The following SLC44A1 variants were observed in gnomAD, a reference collection of about 807,000 sequenced individuals.
The protein encoded by SLC44A1 is solute carrier family 44 member 1.
A neutral mutation model predicts 79.3 loss-of-function variants in SLC44A1; 26 were observed. That is an observed-to-expected ratio of 0.33 (90% CI 0.24 to 0.46). SLC44A1 has a LOEUF of 0.46. SLC44A1 is among the 20% of genes least tolerant of loss of function. The pLI is 1.00. For synonymous variants in SLC44A1, 263 were observed against 286.2 expected, an observed-to-expected ratio of 0.92 and a Z score of 0.82; for missense variants, 688 against 798.1, an observed-to-expected ratio of 0.86 and a Z score of 1.66.
At chr9:105,302,511 C>G (rs1459463679) in intron 2 of SLC44A1, among the ~76,000 whole-genome samples, 2 of 151,922 alleles carry the variant, frequency 1.3e-5, no homozygotes, top group African/African-American at 4.8e-5. Flanking sequence ...CAGCACCACT[C>G]TTGGTTAATT....
At chr9:105,354,200 G>A (rs1297835658) in intron 5 of SLC44A1, among the ~76,000 whole-genome samples, 1 of 150,030 alleles carries the variant, frequency 6.7e-6, no homozygotes, top group Non-Finnish European at 1.5e-5. Context: ...ACAGGCGCCC[G>A]CTACCACGCC....
chr9:105,379,587 A>C (rs1166060289), intron 13 of SLC44A1, among the ~76,000 whole-genome samples: 1 of 152,206 alleles, frequency 6.6e-6, no homozygotes, highest in Non-Finnish European at 1.5e-5. Flanking sequence ...CTGTGAATTT[A>C]AAAATAAAAA....
intron 3 of SLC44A1, among the ~76,000 whole-genome samples, chr9:105,334,364 T>C (rs1826845720): frequency 6.6e-6 from 1 of 152,076 alleles, no homozygotes; most frequent in South Asian, 2.1e-4. Context: ...CCCCCTTTTT[T>C]TTCCTACTTA....
chr9:105,357,074 A>G (rs1367291701), intron 6 of SLC44A1: 1 of 152,212 alleles, frequency 6.6e-6, no homozygotes, highest in African/African-American at 2.4e-5. Flanking sequence ...ATGCCTGTTA[A>G]CAATTATAGC....
rs546578041 is a variant in SLC44A1 at position 105,279,730 on chromosome 9, A to G, written c.37-19490A>G. On this transcript the variant is annotated intron_variant, in intron 1 of 15. Transcript: ENST00000374720. ...TACATCAGGAATATATAAACCTTCT[A>G]TCACCATTAACATTGTTCTAGAAGT... Among the ~76,000 whole-genome samples, 6 of 152,322 alleles carry G rather than the reference A, an allele frequency of 3.9e-5. No individual in the cohort carries two copies. The East Asian group carries it at 7.7e-4, about 20-fold the overall frequency.
In SLC44A1 at chr9:105,249,422, T is replaced by C. The variant is rs571849028; in HGVS notation, c.36+4518T>C. On this transcript the variant is annotated intron_variant, in intron 1 of 15. Coordinates refer to ENST00000374720, the MANE Select transcript of SLC44A1 (RefSeq NM_080546.5). ...AAGTCATGGCATGAAGCCTTTTTTTTCCTTCATCTTCTGAATACTGTGTTG... is the reference window on the plus strand; with the variant it reads ...AAGTCATGGCATGAAGCCTTTTTTTCCCTTCATCTTCTGAATACTGTGTTG... 1.4e-4 allele frequency among the ~76,000 whole-genome samples: 21 copies of C among 152,296 alleles called. No homozygotes were observed. The South Asian group carries it at 3.5e-3, about 26-fold the overall frequency.
chr9:105,364,442 C>T, intron 9 of SLC44A1, 113 bp from the exon 10 acceptor site: 1 of 783,848 alleles, frequency 1.3e-6, no homozygotes, highest in South Asian at 2.1e-5. Flanking sequence ...AAATACCACA[C>T]AGATCAGAAG....
rs1366983820 is a variant in SLC44A1 at position 105,244,739 on chromosome 9, AGCC to A, written c.-117_-115del. 597 of 395,356 alleles carry A rather than the reference AGCC, an allele frequency of 1.5e-3. No individual in the cohort carries two copies. The highest frequency in any genetic ancestry group is 2.5e-3 in the Middle Eastern group (3 of 1,216). 24.5% of individuals were successfully genotyped at this position (395,356 alleles called of 1,614,324 possible). A position where few individuals can be genotyped will look rare whatever the true frequency, so the allele number is the denominator to read the frequency against. ...CCTCTTGAGTACCAGCCGCCGCTGC[AGCC>A]GCCGCCGCCGCCTAGCCGTGCGGTG... is the stretch of plus-strand genomic sequence containing the variant. On this transcript the variant is annotated 5_prime_UTR_variant, in exon 1 of 16. Transcript: ENST00000374720.
intron 15 of SLC44A1, among the ~76,000 whole-genome samples, chr9:105,425,216 C>T (rs1349227754): frequency 1.3e-5 from 2 of 152,276 alleles, no homozygotes; most frequent in Admixed American, 6.5e-5. Context: ...GACTAAATGG[C>T]ATTCCATTAT....
rs1283881254 is a variant in SLC44A1, at chr9:105,393,383, G to A, written c.*4327G>A. 1.0e-6 allele frequency: 1 copy of A among 985,026 alleles called. No individual in the cohort carries two copies. The highest frequency in any genetic ancestry group is 1.2e-6 in the Non-Finnish European group (1 of 829,770). The allele number at this position is 985,026 out of a possible 1,614,324, so 61.0% of individuals were successfully genotyped here. On this transcript the variant is annotated 3_prime_UTR_variant, in exon 16 of 16. Coordinates refer to ENST00000374720, the MANE Select transcript of SLC44A1 (RefSeq NM_080546.5). ...TATGCCAAGAGAAAATCTAAAGCTAGCAAACTTAAAAAACAAAACAAAAAT... is the reference window on the plus strand; with the variant it reads ...TATGCCAAGAGAAAATCTAAAGCTAACAAACTTAAAAAACAAAACAAAAAT...
At chr9:105,307,926 G>A (rs911250429) in intron 2 of SLC44A1, among the ~76,000 whole-genome samples, 1 of 152,180 alleles carries the variant, frequency 6.6e-6, no homozygotes, top group African/African-American at 2.4e-5. Flanking sequence ...AACAGGGTGA[G>A]TGTGAATGAG....
chr9:105,324,338 C>T (rs1456388349), intron 3 of SLC44A1, among the ~76,000 whole-genome samples: 1 of 151,738 alleles, frequency 6.6e-6, no homozygotes, highest in South Asian at 2.1e-4. Flanking sequence ...GCAACCTCCA[C>T]CTCCTGGGTT....
At chr9:105,312,162 A>G (rs1043153252) in intron 3 of SLC44A1, among the ~76,000 whole-genome samples, 1 of 152,120 alleles carries the variant, frequency 6.6e-6, no homozygotes, top group African/African-American at 2.4e-5. Flanking sequence ...CAGTCCTCTA[A>G]AATCTCAACT....
chr9:105,305,843 CT>C lies in SLC44A1; in HGVS notation c.127-3857del, dbSNP rs748755778. On this transcript the variant is annotated intron_variant, in intron 2 of 15. Transcript: ENST00000374720. ...CATGCTTGTGAAATAAAAGTGTGTC[CT>C]TTTTTTTTTTTTTTTTTTTTTTTAC... 9.3e-3 allele frequency among the ~76,000 whole-genome samples: 787 copies of C among 84,972 alleles called. 6 individuals are homozygous for C. Among genetic ancestry groups the C allele is most frequent in the Middle Eastern group, 0.021 (3 of 146 alleles). The allele number at this position is 84,972 out of a possible 152,430, so 55.7% of individuals were successfully genotyped here.
At chr9:105,370,621 A>G (rs1009776294) in intron 12 of SLC44A1, among the ~76,000 whole-genome samples, 1 of 152,242 alleles carries the variant, frequency 6.6e-6, no homozygotes, top group Non-Finnish European at 1.5e-5. Flanking sequence ...TGAAGCTTCT[A>G]AAAACTAATG....
At position 105,394,220 on chromosome 9, in the gene SLC44A1, T is replaced by A. The variant is rs1423242104; in HGVS notation, c.*5164T>A. ...ATGTGTTTTGAAATGAGGAAGTGAT[T>A]AGGCCTCCACTAGAGATACTTTTGA... On this transcript the variant is annotated 3_prime_UTR_variant, in exon 16 of 16. Coordinates refer to ENST00000374720, the MANE Select transcript of SLC44A1 (RefSeq NM_080546.5). 2.0e-6 allele frequency: 2 copies of A among 985,262 alleles called. No homozygotes were observed. Among genetic ancestry groups the A allele is most frequent in the African/African-American group, 3.5e-5 (2 of 57,232 alleles). The allele number at this position is 985,262 out of a possible 1,614,324, so 61.0% of individuals were successfully genotyped here. A position where few individuals can be genotyped will look rare whatever the true frequency, so the allele number is the denominator to read the frequency against.
intron 3 of SLC44A1, among the ~76,000 whole-genome samples, chr9:105,325,081 G>A (rs1011223213): frequency 6.6e-6 from 1 of 152,160 alleles, no homozygotes; most frequent in Admixed American, 6.5e-5. Flanking sequence ...GCATCTAATA[G>A]CCAAAAACAG....
chr9:105,339,378 A>G (rs1322559370), intron 4 of SLC44A1, among the ~76,000 whole-genome samples: 1 of 152,248 alleles, frequency 6.6e-6, no homozygotes, highest in Non-Finnish European at 1.5e-5. Flanking sequence ...TAAAATTAGC[A>G]TATGATACAG....
chr9:105,396,878 T>C lies in SLC44A1; in HGVS notation c.*7822T>C, dbSNP rs926274423. The C allele has an allele frequency of 1.0e-6, 1 of 985,254 alleles. No individual in the cohort carries two copies. The highest frequency in any genetic ancestry group is 1.2e-6 in the Non-Finnish European group (1 of 829,886). 61.0% of individuals were successfully genotyped at this position (985,254 alleles called of 1,614,324 possible). ...TTACCTTACCATTATTTTGGATTTT[T>C]TTCTTATTACAGTGTCACTACACTG... On this transcript the variant is annotated 3_prime_UTR_variant, in exon 16 of 16. Transcript: ENST00000374720.
Sources: gnomAD v4.1 joint callset for allele counts (sites outside exome capture counted in the v4.1 genomes callset) on GRCh38, gnomAD v4.1.1 for gene constraint, MANE v1.5 for transcripts, NCBI Gene and HGNC (gene_info 2026-07-23, HGNC 2026-07-21) for gene names.